The following IWS1 variants were observed in gnomAD, a reference collection of about 807,000 sequenced individuals.
IWS1 encodes protein IWS1 homolog.
A neutral mutation model predicts 86.7 loss-of-function variants in IWS1; 27 were observed. That is an observed-to-expected ratio of 0.31 (90% confidence interval 0.23 to 0.43). The LOEUF (loss-of-function observed/expected upper bound fraction) is 0.43. Among genes scored for constraint, IWS1 ranks in the 20% least tolerant of loss-of-function variants. The probability of loss-of-function intolerance (pLI) is 1.00; values close to 1 mark genes in which losing one functional copy is unlikely to be tolerated. For synonymous variants in IWS1, 313 were observed against 335.1 expected (o/e 0.93, Z 0.72); for missense variants, 827 against 1,000.8 (o/e 0.83, Z 2.34).
intron 2 of IWS1, among the ~76,000 whole-genome samples, chr2:127,510,503 G>A (rs547152447): frequency 1.2e-4 from 19 of 152,098 alleles, no homozygotes; most frequent in African/African-American, 4.3e-4. Context: ...GGTTTGTTTT[G>A]TCTTTTTGAG....
intron 2 of IWS1, among the ~76,000 whole-genome samples, chr2:127,508,099 AAT>A (rs1553437325): frequency 0.5 from 76,415 of 151,444 alleles, 21,073 homozygotes; most frequent in Admixed American, 0.66. Context: ...TTAAATGAGT[AAT>A]AAAGGCCTTA....
chr2:127,517,546 TA>T (rs1422770273), intron 2 of IWS1, among the ~76,000 whole-genome samples: 1 of 152,084 alleles, frequency 6.6e-6, no homozygotes, highest in Non-Finnish European at 1.5e-5. Flanking sequence ...ATGCAAAGAA[TA>T]AAACTACACC....
At position 127,489,438 on chromosome 2, in the gene IWS1, T is replaced by C; in HGVS notation, c.2160-203A>G. 1.8e-6 allele frequency: 1 copy of C among 569,278 alleles called. No homozygotes were observed. The highest frequency in any genetic ancestry group is 3.1e-6 in the Non-Finnish European group (1 of 318,966). The allele number at this position is 569,278 out of a possible 1,614,324, so 35.3% of individuals were successfully genotyped here. ...AGGTTTCCTTGTGGATGAGCCGTAA[T>C]TGCCACATTTGTAACTAATGACCCT... On this transcript the variant is annotated intron_variant, in intron 11 of 13. Coordinates refer to ENST00000295321, the MANE Select transcript of IWS1 (RefSeq NM_017969.3). This position sits in a 1 kb window ranked among gnomAD's most constrained non-coding sequence, Gnocchi z 4.8.
In IWS1 at chr2:127,503,379, T is replaced by C; in HGVS notation, c.1409+8A>G. On this transcript the variant is annotated splice_region_variant and intron_variant, in intron 4 of 13. Coordinates refer to ENST00000295321, the MANE Select transcript of IWS1 (RefSeq NM_017969.3). ...ACCCCTGAAAACTCATGTTATACTG[T>C]CACTTACTCTTCTTCATTGCCTGAC... 1.2e-6 allele frequency: 2 copies of C among 1,605,142 alleles called. No homozygotes were observed. The highest frequency in any genetic ancestry group is 1.7e-6 in the Non-Finnish European group (2 of 1,174,960).
rs752320937 is a variant in IWS1, at chr2:127,526,424, G to T, written c.-216C>A. ...AAAAGGCCGTACCCGGCAGGCTGGC[G>T]GGCGGGCAGGCATGCGAGCCGGCGT... On this transcript the variant is annotated 5_prime_UTR_variant, in exon 1 of 14. Coordinates refer to ENST00000295321, the MANE Select transcript of IWS1 (RefSeq NM_017969.3). 6 of 1,535,706 alleles carry T rather than the reference G, an allele frequency of 3.9e-6. No homozygotes were observed. The highest frequency in any genetic ancestry group is 2.4e-5 in the South Asian group (2 of 83,200).
At chr2:127,485,309 C>G (rs1348056690) in intron 13 of IWS1, among the ~76,000 whole-genome samples, 1 of 152,208 alleles carries the variant, frequency 6.6e-6, no homozygotes, top group African/African-American at 2.4e-5. Context: ...CACACACACA[C>G]TGTGTGTGCT....
At chr2:127,496,994 T>C (rs367649702) in intron 6 of IWS1, among the ~76,000 whole-genome samples, 9 of 152,362 alleles carry the variant, frequency 5.9e-5, no homozygotes, top group South Asian at 2.1e-4. Flanking sequence ...CTAGGTGCGA[T>C]AGGTTTTACC....
At chr2:127,518,361 C>T (rs1015169960) in intron 2 of IWS1, among the ~76,000 whole-genome samples, 1 of 152,014 alleles carries the variant, frequency 6.6e-6, no homozygotes, top group African/African-American at 2.4e-5. Context: ...ACTATAAATA[C>T]AAAAATTAGC....
chr2:127,497,649 T>C (rs1690583562), intron 6 of IWS1, among the ~76,000 whole-genome samples: 1 of 152,226 alleles, frequency 6.6e-6, no homozygotes, highest in South Asian at 2.1e-4. Context: ...AATGAAACTA[T>C]TTTTTAAAAG....
intron 5 of IWS1, among the ~76,000 whole-genome samples, chr2:127,500,179 C>A (rs1023091323): frequency 6.6e-6 from 1 of 151,964 alleles, no homozygotes; most frequent in African/African-American, 2.4e-5. Flanking sequence ...TTAAGATATT[C>A]TAAAAAAATT....
intron 6 of IWS1, among the ~76,000 whole-genome samples, chr2:127,497,221 G>A (rs924668636): frequency 2.0e-5 from 3 of 152,022 alleles, no homozygotes; most frequent in Admixed American, 6.6e-5. Flanking sequence ...CATATAAATC[G>A]CTAATAGCCC....
chr2:127,516,111 T>A (rs1218832827), intron 2 of IWS1, among the ~76,000 whole-genome samples: 1 of 152,010 alleles, frequency 6.6e-6, no homozygotes, highest in African/African-American at 2.4e-5. Flanking sequence ...ACTAACTCAT[T>A]CCCACTCCTC....
chr2:127,504,277 T>C (rs1362573062), intron 3 of IWS1, among the ~76,000 whole-genome samples: 2 of 152,204 alleles, frequency 1.3e-5, no homozygotes, highest in Non-Finnish European at 2.9e-5. Flanking sequence ...TGAAGAGATG[T>C]ACCTGTGGGA....
Position 127,513,698 on chromosome 2 carries a change from A to G in IWS1, c.151-7946T>C, listed in dbSNP as rs183475842. ...TTATAAAAATGGGTTACCATATAAAATGGCATAGTATTCTACCAAATTATT... is the reference window on the plus strand; with the variant it reads ...TTATAAAAATGGGTTACCATATAAAGTGGCATAGTATTCTACCAAATTATT... On this transcript the variant is annotated intron_variant, in intron 2 of 13. Coordinates refer to ENST00000295321, the MANE Select transcript of IWS1 (RefSeq NM_017969.3). Among the ~76,000 whole-genome samples the G allele has an allele frequency of 3.4e-4, 51 of 150,034 alleles. No homozygotes were observed. The Middle Eastern group carries it at 0.017, about 50-fold the overall frequency.
intron 2 of IWS1, chr2:127,511,359 G>A (rs1164417921): frequency 6.6e-6 from 1 of 152,230 alleles, no homozygotes. Flanking sequence ...ATACCGTAGA[G>A]GGCAGTTCTG....
At chr2:127,526,690 C>T (rs563108156), upstream of IWS1, 223 of 1,308,818 alleles carry the variant, frequency 1.7e-4, no homozygotes, top group Non-Finnish European at 2.1e-4. Context: ...ATCATTGATT[C>T]TTTATCATTT....
intron 2 of IWS1, among the ~76,000 whole-genome samples, chr2:127,509,188 A>C (rs1480363359): frequency 2.6e-5 from 4 of 152,236 alleles, no homozygotes; most frequent in Non-Finnish European, 4.4e-5. Flanking sequence ...TATACAGTTA[A>C]GCTTAAAAGT....
chr2:127,483,582 G>GC (rs1689758558), intron 13 of IWS1, among the ~76,000 whole-genome samples: 1 of 45,714 alleles, frequency 2.2e-5, no homozygotes, highest in African/African-American at 8.1e-5. Flanking sequence ...GGGGCGGGGG[G>GC]TGGTGGGGTG....
chr2:127,520,621 C>T (rs1199427684), intron 2 of IWS1, among the ~76,000 whole-genome samples: 1 of 152,224 alleles, frequency 6.6e-6, no homozygotes, highest in African/African-American at 2.4e-5. Context: ...CACAGTACAA[C>T]TGGCACTCTT....
Sources: gnomAD v4.1 joint callset for allele counts (sites outside exome capture counted in the v4.1 genomes callset) on GRCh38, gnomAD v4.1.1 for gene constraint, Gnocchi (gnomAD v3.1) non-coding constraint, MANE v1.5 for transcripts, NCBI Gene and HGNC (gene_info 2026-07-23, HGNC 2026-07-21) for gene names.